Variants in HS6ST3 observed in about 807,000 individuals in gnomAD.
HS6ST3 encodes heparan sulfate 6-O-sulfotransferase 3, also known as heparan-sulfate 6-O-sulfotransferase 3.
Under a neutral mutation model 36.7 loss-of-function variants are expected in HS6ST3, and 12 were observed. The ratio of observed to expected loss-of-function variants is 0.33; its 90% CI spans 0.21 to 0.53. The LOEUF (loss-of-function observed/expected upper bound fraction) is 0.53, where lower values mean the gene tolerates loss of function less well. HS6ST3 is among the 20% of genes least tolerant of loss of function. The pLI is 0.95. For synonymous variants in HS6ST3, 240 were observed against 257.5 expected, an observed-to-expected ratio of 0.93 and a Z score of 0.65; for missense variants, 584 against 640.9, an observed-to-expected ratio of 0.91 and a Z score of 0.96.
chr13:96,212,828 TATC>T (rs1012740577), intron 1 of HS6ST3, among the ~76,000 whole-genome samples: 2 of 152,200 alleles, frequency 1.3e-5, no homozygotes, highest in East Asian at 1.9e-4. Context: ...AGAATTCTAT[TATC>T]ATACATGGCA....
chr13:96,241,417 A>G (rs1359710400), intron 1 of HS6ST3, among the ~76,000 whole-genome samples: 1 of 152,078 alleles, frequency 6.6e-6, no homozygotes, highest in Non-Finnish European at 1.5e-5. Context: ...CCATGGACCT[A>G]TGAAATAATT....
intron 1 of HS6ST3, among the ~76,000 whole-genome samples, chr13:96,390,631 A>G (rs941071182): frequency 6.6e-6 from 1 of 152,212 alleles, no homozygotes; most frequent in Non-Finnish European, 1.5e-5. Context: ...TCCTGAGATC[A>G]TTCTTCCAGT....
In HS6ST3 at chr13:96,686,046, C is replaced by T. The variant is rs188245047; in HGVS notation, c.708-146444C>T. ...CTTTACTTACCTAAGTTATTACTTT[C>T]CCACTGGAAACGTAACCCATCATTA... is the stretch of plus-strand genomic sequence containing the variant. On this transcript the variant is annotated intron_variant, in intron 1 of 1. Coordinates refer to ENST00000376705, the MANE Select transcript of HS6ST3 (RefSeq NM_153456.4). Among the ~76,000 whole-genome samples, 627 of 152,048 alleles carry T rather than the reference C, an allele frequency of 4.1e-3. 4 individuals are homozygous for T. Among genetic ancestry groups the T allele is most frequent in the Non-Finnish European group, 6.8e-3 (462 of 67,948 alleles).
At chr13:96,462,436 A>G (rs1197960454) in intron 1 of HS6ST3, among the ~76,000 whole-genome samples, 1 of 152,224 alleles carries the variant, frequency 6.6e-6, no homozygotes, top group Non-Finnish European at 1.5e-5. Context: ...TATGACTTGA[A>G]TAATTTGTGG....
chr13:96,497,644 T>G (rs537632909), intron 1 of HS6ST3, among the ~76,000 whole-genome samples: 1 of 152,228 alleles, frequency 6.6e-6, no homozygotes, highest in South Asian at 2.1e-4. Flanking sequence ...AAAATCTGAT[T>G]GTATCAGTCA....
chr13:96,732,564 T>TAG (rs1876184170), intron 1 of HS6ST3, among the ~76,000 whole-genome samples: 1 of 152,182 alleles, frequency 6.6e-6, no homozygotes, highest in Admixed American at 6.5e-5. Flanking sequence ...TTGCAGTATA[T>TAG]TTTGAAGTAT....
chr13:96,644,667 G>A (rs2056581703), intron 1 of HS6ST3, among the ~76,000 whole-genome samples: 1 of 151,952 alleles, frequency 6.6e-6, no homozygotes, highest in Non-Finnish European at 1.5e-5. Context: ...TTCATAACAT[G>A]CAGTCCGTGA....
rs958030370 is a variant in HS6ST3, at chr13:96,331,867, C to T, written c.707+240298C>T. ...GCGCAGGACCCTCCGAGCCAGGTGC[C>T]GGATATAATCTCGTGGTGCGCCGTT... On this transcript the variant is annotated intron_variant, in intron 1 of 1. Coordinates refer to ENST00000376705, the MANE Select transcript of HS6ST3 (RefSeq NM_153456.4). Among the ~76,000 whole-genome samples the T allele has an allele frequency of 3.9e-5, 6 of 152,098 alleles. No homozygotes were observed. In the East Asian group the frequency reaches 1.2e-3, roughly 29 times the overall value.
At chr13:96,175,523 C>A (rs753450428) in intron 1 of HS6ST3, among the ~76,000 whole-genome samples, 6 of 151,846 alleles carry the variant, frequency 4.0e-5, no homozygotes, top group Non-Finnish European at 5.9e-5. Flanking sequence ...AATATTTCTG[C>A]CTTTTTTTTG....
rs534282927 is a variant in HS6ST3 at position 96,309,754 on chromosome 13, T to TA, written c.707+218190dup. Among the ~76,000 whole-genome samples, 110 of 152,272 alleles carry TA rather than the reference T, an allele frequency of 7.2e-4. 2 individuals are homozygous for TA. Among genetic ancestry groups the TA allele is most frequent in the African/African-American group, 2.5e-3 (105 of 41,586 alleles). ...TCTTATCATTTAAATTAAACTTTGA[T>TA]AAAAATGTAATAAGATCGTATGTTC... On this transcript the variant is annotated intron_variant, in intron 1 of 1. Coordinates refer to ENST00000376705, the MANE Select transcript of HS6ST3 (RefSeq NM_153456.4).
chr13:96,661,130 C>G (rs1030424200), intron 1 of HS6ST3, among the ~76,000 whole-genome samples: 1 of 152,098 alleles, frequency 6.6e-6, no homozygotes, highest in Non-Finnish European at 1.5e-5. Flanking sequence ...GGTTTCAGGA[C>G]TTGAACTGAG....
intron 1 of HS6ST3, among the ~76,000 whole-genome samples, chr13:96,508,514 T>A (rs765132064): frequency 5.3e-5 from 8 of 152,164 alleles, no homozygotes; most frequent in Middle Eastern, 3.4e-3. Context: ...GTTTTTTGTA[T>A]CCCTAAGCCC....
chr13:96,282,958 A>G (rs1461324509), intron 1 of HS6ST3, among the ~76,000 whole-genome samples: 1 of 152,200 alleles, frequency 6.6e-6, no homozygotes, highest in Non-Finnish European at 1.5e-5. Context: ...TAAGAGCAAC[A>G]TTGTTAGCTG....
At chr13:96,652,704 T>C (rs377067482) in intron 1 of HS6ST3, among the ~76,000 whole-genome samples, 3 of 152,174 alleles carry the variant, frequency 2.0e-5, no homozygotes, top group East Asian at 3.9e-4. Flanking sequence ...ACCCAGGTGT[T>C]TGGCAATCTG....
chr13:96,775,730 A>G (rs905901794), intron 1 of HS6ST3, among the ~76,000 whole-genome samples: 1 of 152,178 alleles, frequency 6.6e-6, no homozygotes, highest in African/African-American at 2.4e-5. Flanking sequence ...ACTCCCACAC[A>G]ATAATAGTGG....
intron 1 of HS6ST3, among the ~76,000 whole-genome samples, chr13:96,578,477 A>G (rs1243172944): frequency 1.3e-5 from 2 of 152,214 alleles, no homozygotes; most frequent in African/African-American, 2.4e-5. Flanking sequence ...GGTTTAAAGA[A>G]AAGGGAATGT....
intron 1 of HS6ST3, among the ~76,000 whole-genome samples, chr13:96,315,245 T>C (rs2054962739): frequency 6.6e-6 from 1 of 152,156 alleles, no homozygotes; most frequent in Non-Finnish European, 1.5e-5. Context: ...CTGATATTGG[T>C]TGGTTATGAC....
At chr13:96,526,899 G>T (rs1456008773) in intron 1 of HS6ST3, among the ~76,000 whole-genome samples, 2 of 152,096 alleles carry the variant, frequency 1.3e-5, no homozygotes, top group African/African-American at 4.8e-5. Context: ...AGTACACACT[G>T]ATTTCAAAGA....
chr13:96,371,123 T>A (rs961513487), intron 1 of HS6ST3, among the ~76,000 whole-genome samples: 1 of 152,220 alleles, frequency 6.6e-6, no homozygotes, highest in Non-Finnish European at 1.5e-5. Context: ...TGTGTGAACA[T>A]GGCATAGTTT....
Sources: gnomAD v4.1 joint callset for allele counts (sites outside exome capture counted in the v4.1 genomes callset) on GRCh38, gnomAD v4.1.1 for gene constraint, MANE v1.5 for transcripts, NCBI Gene and HGNC (gene_info 2026-07-23, HGNC 2026-07-21) for gene names.